The following KDM4B variants were observed in gnomAD, a reference collection of about 807,000 sequenced individuals.
KDM4B encodes the protein lysine demethylase 4B.
Under a neutral mutation model 125.2 loss-of-function variants are expected in KDM4B, and 32 were observed. That is an observed-to-expected ratio of 0.26 (90% CI 0.19 to 0.34). KDM4B has a LOEUF of 0.34. Ranked by LOEUF, KDM4B falls within the 10% of genes least tolerant of loss-of-function variation. The pLI is 1.00. For missense variants in KDM4B, 1,190 were observed against 1,577.7 expected (o/e 0.75, Z 4.16); for synonymous variants, 721 against 677.9 (o/e 1.06, Z -0.99).
In KDM4B at chr19:5,043,590, G is replaced by A. The variant is rs184686964; in HGVS notation, c.432+2339G>A. On this transcript the variant is annotated intron_variant, in intron 5 of 22. Coordinates refer to ENST00000159111, the MANE Select transcript of KDM4B (RefSeq NM_015015.3). ...ATCCTGTGTGGTGTTTATCAGAGTGGGGGTGTCCACCATATCCTGCGTGGG... is the reference window on the plus strand; with the variant it reads ...ATCCTGTGTGGTGTTTATCAGAGTGAGGGTGTCCACCATATCCTGCGTGGG... Among the ~76,000 whole-genome samples, 26 of 148,218 alleles carry A rather than the reference G, an allele frequency of 1.8e-4. 1 individual carries two copies. Among genetic ancestry groups the A allele is most frequent in the African/African-American group, 5.6e-4 (22 of 39,282 alleles).
chr19:5,119,866 G>T lies in KDM4B; in HGVS notation c.1315+14G>T, dbSNP rs886674342. ...AGGGCGCAGAAGGTCAGTCCCTGCC[G>T]GGCCAGGCCTGGCACCGCTGTTTTC... is the stretch of plus-strand genomic sequence containing the variant. On this transcript the variant is annotated intron_variant, in intron 11 of 22. Transcript: ENST00000159111. 1 of 1,544,610 alleles carries T rather than the reference G, an allele frequency of 6.5e-7. No homozygotes were observed. Among genetic ancestry groups the T allele is most frequent in the East Asian group, 2.4e-5 (1 of 40,898 alleles).
At chr19:5,124,242 G>C (rs2039411872) in intron 11 of KDM4B, among the ~76,000 whole-genome samples, 2 of 150,570 alleles carry the variant, frequency 1.3e-5, no homozygotes, top group African/African-American at 2.4e-5. Flanking sequence ...ACACCGCCTT[G>C]ATGGACCCTT....
chr19:5,014,422 G>A (rs1025282944), intron 1 of KDM4B, among the ~76,000 whole-genome samples: 2 of 152,096 alleles, frequency 1.3e-5, no homozygotes, highest in African/African-American at 2.4e-5. Flanking sequence ...GACTGCAGGC[G>A]CCCGCCACCA....
In KDM4B at chr19:5,144,795, G is replaced by A; in HGVS notation, c.2914G>A (p.Val972Ile). 6.2e-7 allele frequency: 1 copy of A among 1,613,504 alleles called. No individual in the cohort carries two copies. Among genetic ancestry groups the A allele is most frequent in the Non-Finnish European group, 8.5e-7 (1 of 1,179,924 alleles). ...CTTCTCCCTGCAGAGTAGGGACTGT[G>A]TCCAGCTGGGACCCCCTTCCGAGGG... is the stretch of plus-strand genomic sequence containing the variant. ...YPESITSRDC[V>I]QLGPPSEGEL... The change falls in exon 21 of 23, where the codon GTC (valine) becomes ATC (isoleucine). Residue 972 changes from valine (V) to isoleucine (I), a missense_variant. By Grantham distance (29) the Val-to-Ile change is conservative. Around this residue, in one of 7 missense-constraint regions of KDM4B, gnomAD observed 298 missense variants for 439.7 expected, o/e 0.68. Coordinates refer to ENST00000159111, the MANE Select transcript of KDM4B (RefSeq NM_015015.3).
At chr19:5,033,108 C>T in intron 3 of KDM4B, 77 bp downstream of exon 3, 3 of 1,540,406 alleles carry the variant, frequency 1.9e-6, no homozygotes, top group Non-Finnish European at 2.7e-6. Context: ...GGTCCCAGCT[C>T]AGCCAGCCCC....
At chr19:4,988,781 G>C (rs865906055) in intron 1 of KDM4B, among the ~76,000 whole-genome samples, 1 of 152,204 alleles carries the variant, frequency 6.6e-6, no homozygotes, top group Non-Finnish European at 1.5e-5. Flanking sequence ...GCATTCATCT[G>C]TGGGGAAGCT....
At chr19:5,034,438 C>A (rs2036553987) in intron 3 of KDM4B, among the ~76,000 whole-genome samples, 1 of 152,344 alleles carries the variant, frequency 6.6e-6, no homozygotes, top group Admixed American at 6.5e-5. Flanking sequence ...GTGCACGGCC[C>A]TGTGCCAATA....
At chr19:5,111,270 G>T (rs370785934) in intron 10 of KDM4B, 11 of 679,478 alleles carry the variant, frequency 1.6e-5, no homozygotes, top group Admixed American at 1.2e-4. Flanking sequence ...TTCCCTGCAA[G>T]GACTCAACGG....
At chr19:5,019,332 AGGTGTTGGTGTG>A (rs2036000004) in intron 2 of KDM4B, among the ~76,000 whole-genome samples, 1 of 87,358 alleles carries the variant, frequency 1.1e-5, no homozygotes, top group African/African-American at 4.6e-5. Context: ...GTTGGCGTGC[AGGTGTTGGTGTG>A]GGTGTTGGTG....
chr19:5,077,511 G>T (rs1420040001), intron 8 of KDM4B, 41 bp downstream of exon 8: 1 of 1,557,092 alleles, frequency 6.4e-7, no homozygotes, highest in Non-Finnish European at 8.9e-7. Context: ...GGTGAAGTGG[G>T]TACCGGGTCC....
intron 6 of KDM4B, among the ~76,000 whole-genome samples, chr19:5,055,888 A>G (rs903396604): frequency 1.1e-4 from 16 of 152,144 alleles, no homozygotes; most frequent in Non-Finnish European, 2.1e-4. Flanking sequence ...TGTTATGAGC[A>G]TTCTATATCA....
intron 1 of KDM4B, among the ~76,000 whole-genome samples, chr19:5,002,395 C>CT (rs2035415414): frequency 6.6e-6 from 1 of 150,994 alleles, no homozygotes; most frequent in Non-Finnish European, 1.5e-5. Flanking sequence ...TTTCTCCTTT[C>CT]CTTTCCTTTC....
intron 9 of KDM4B, among the ~76,000 whole-genome samples, chr19:5,084,763 A>G (rs115558344): frequency 0.025 from 3,851 of 151,268 alleles, 155 homozygotes; most frequent in South Asian, 0.068. Flanking sequence ...TCCCTGAGCT[A>G]TGATTGCACC....
At chr19:5,023,746 C>T (rs942760600) in intron 2 of KDM4B, among the ~76,000 whole-genome samples, 6 of 147,474 alleles carry the variant, frequency 4.1e-5, no homozygotes, top group Non-Finnish European at 5.9e-5. Context: ...AAACCATGCA[C>T]TGTCTTTTTG....
At chr19:5,052,798 G>T (rs994885896) in intron 6 of KDM4B, among the ~76,000 whole-genome samples, 1 of 152,256 alleles carries the variant, frequency 6.6e-6, no homozygotes, top group Non-Finnish European at 1.5e-5. Flanking sequence ...GTAGCGCGCT[G>T]GCGCCCGGGG....
chr19:5,071,146 C>T, intron 7 of KDM4B, 87 bp downstream of exon 7: 2 of 1,284,616 alleles, frequency 1.6e-6, no homozygotes, highest in Non-Finnish European at 2.2e-6. Flanking sequence ...GTCCCCCGGG[C>T]TCTGCTGCGG....
chr19:5,022,521 C>G (rs1178656750), intron 2 of KDM4B, among the ~76,000 whole-genome samples: 1 of 152,284 alleles, frequency 6.6e-6, no homozygotes, highest in African/African-American at 2.4e-5. Context: ...TGTCAGAGCC[C>G]AGGCCTCAGG....
chr19:5,135,043 C>G (rs1451916024), intron 14 of KDM4B, among the ~76,000 whole-genome samples: 1 of 152,192 alleles, frequency 6.6e-6, no homozygotes, highest in East Asian at 1.9e-4. Flanking sequence ...TACCCCAGCG[C>G]CAGGGGCCAC....
At chr19:5,041,485 AC>A (rs2036815044) in intron 5 of KDM4B, among the ~76,000 whole-genome samples, 1 of 152,092 alleles carries the variant, frequency 6.6e-6, no homozygotes, top group Admixed American at 6.5e-5. Context: ...CCCTGAGCTC[AC>A]CCTGGCCCCA....
Sources: gnomAD v4.1 joint callset for allele counts (sites outside exome capture counted in the v4.1 genomes callset) on GRCh38, gnomAD v4.1.1 for gene constraint, gnomAD v4.1.1 regional missense constraint, MANE v1.5 for transcripts, NCBI Gene and HGNC (gene_info 2026-07-23, HGNC 2026-07-21) for gene names.